Variants in MTOR observed in about 807,000 individuals in gnomAD.
MTOR encodes mechanistic target of rapamycin kinase, also known as serine/threonine-protein kinase mTOR.
In MTOR, 70 loss-of-function variants were observed where a neutral mutation model predicts 319.8. The observed-to-expected ratio is 0.22, with a 90% CI of 0.18 to 0.27. The LOEUF (loss-of-function observed/expected upper bound fraction) is 0.27, where lower values mean the gene tolerates loss of function less well. Among genes scored for constraint, MTOR ranks in the 10% least tolerant of loss-of-function variants. The pLI is 1.00. For synonymous variants in MTOR, 1,183 were observed against 1,211.4 expected (o/e 0.98, Z 0.49); for missense variants, 1,890 against 3,274.4 (o/e 0.58, Z 10.32).
At chr1:11,114,540 A>G (rs1642062506) in intron 52 of MTOR, 87 bp from the exon 53 acceptor site, 2 of 1,558,162 alleles carry the variant, frequency 1.3e-6, no homozygotes, top group Admixed American at 3.5e-5. Flanking sequence ...CTCACTTAGG[A>G]AGCAGACACA....
intron 49 of MTOR, among the ~76,000 whole-genome samples, 159 bp from the exon 50 acceptor site, chr1:11,117,245 C>T (rs887072150): frequency 2.4e-4 from 36 of 152,226 alleles, no homozygotes; most frequent in Non-Finnish European, 5.1e-4. Flanking sequence ...ACTGCAGCCT[C>T]CACCTCCCGG....
In MTOR at chr1:11,247,857, G is replaced by A. The variant is rs748256443; in HGVS notation, c.1078C>T (p.Arg360Trp). Residue 360 changes from arginine (R) to tryptophan (W), a missense_variant, in exon 7 of 58, where the codon CGG (arginine) becomes TGG (tryptophan). By Grantham distance (101) the Arg-to-Trp change is moderately radical. Coordinates refer to ENST00000361445, the MANE Select transcript of MTOR (RefSeq NM_004958.4). ...TCCTCCATCAAGTCTCTGCAACACC[G>A]GCTCTCCACCAGGGTGGACTTAGCT... ...SPAKSTLVES[R>W]CCRDLMEEKF... The A allele has an allele frequency of 6.2e-7, 1 of 1,613,910 alleles. No individual in the cohort carries two copies. Among genetic ancestry groups the A allele is most frequent in the Non-Finnish European group, 8.5e-7 (1 of 1,179,886 alleles).
At chr1:11,124,855 T>C (rs1397712430) in intron 46 of MTOR, among the ~76,000 whole-genome samples, 1 of 152,246 alleles carries the variant, frequency 6.6e-6, no homozygotes, top group Admixed American at 6.5e-5. Context: ...AAACAAAATC[T>C]GTTTTTGAGG....
At chr1:11,255,382 CAAAAAAA>C (rs56328160) in intron 5 of MTOR, among the ~76,000 whole-genome samples, 1 of 98,234 alleles carries the variant, frequency 1.0e-5, no homozygotes, top group Non-Finnish European at 1.8e-5. Flanking sequence ...ACTCCATCTC[CAAAAAAA>C]AAAAAAAAAA....
intron 32 of MTOR, 50 bp from the exon 33 acceptor site, chr1:11,145,095 G>C: frequency 6.6e-7 from 1 of 1,504,456 alleles, no homozygotes; most frequent in Non-Finnish European, 9.2e-7. Context: ...GGGAGCTTAG[G>C]GTTATTTTAG....
chr1:11,119,713 T>G lies in MTOR; in HGVS notation c.6933+1533A>C, dbSNP rs536632087. The stretch of plus-strand genomic sequence containing the variant: ...GTGAGCCGAGATCGTGCTGCTGCAC[T>G]CCAGCCTGGGTAACAGAGTAAGACC... On this transcript the variant is annotated intron_variant, in intron 49 of 57. Transcript: ENST00000361445. 6.9e-5 allele frequency among the ~76,000 whole-genome samples: 10 copies of G among 144,634 alleles called. No individual in the cohort carries two copies. The East Asian group carries it at 1.7e-3, about 24-fold the overall frequency. The allele number at this position is 144,634 out of a possible 152,430, so 94.9% of individuals were successfully genotyped here.
rs371737475 is a variant in MTOR at position 11,238,655 on chromosome 1, G to A, written c.1787-38C>T. The A allele has an allele frequency of 3.3e-5, 51 of 1,552,538 alleles. No individual in the cohort carries two copies. The African/African-American group carries it at 6.4e-4, about 19-fold the overall frequency. Reference sequence around the variant, plus strand: ...GCAGAGAGAAAACAGAATAAACACTGCTGCTGTAGACAGGTAGGTCTGCAG... The same window carrying A: ...GCAGAGAGAAAACAGAATAAACACTACTGCTGTAGACAGGTAGGTCTGCAG... On this transcript the variant is annotated intron_variant, in intron 11 of 57. Transcript: ENST00000361445.
At chr1:11,158,917 T>C (rs1644394465) in intron 29 of MTOR, among the ~76,000 whole-genome samples, 1 of 152,194 alleles carries the variant, frequency 6.6e-6, no homozygotes, top group South Asian at 2.1e-4. Flanking sequence ...TAAATTTTGC[T>C]GAGAAAGCAC....
intron 15 of MTOR, 69 bp from the exon 16 acceptor site, chr1:11,232,597 G>A (rs1233078435): frequency 2.8e-5 from 37 of 1,330,126 alleles, no homozygotes; most frequent in Admixed American, 5.2e-5. Flanking sequence ...TTTGGAGGCC[G>A]GGCACGGTGG....
Position 11,212,691 on chromosome 1 carries a change from A to C in MTOR, c.3398+105T>G. Reference sequence around the variant, plus strand: ...TTCTAGACTAAAATAATGTGAGTTGAAATAACAAAAAAAATAGAAAGATGG... The same window carrying C: ...TTCTAGACTAAAATAATGTGAGTTGCAATAACAAAAAAAATAGAAAGATGG... On this transcript the variant is annotated intron_variant, in intron 22 of 57. Coordinates refer to ENST00000361445, the MANE Select transcript of MTOR (RefSeq NM_004958.4). The surrounding 1 kb of genome is among the most constrained non-coding windows in gnomAD (Gnocchi z 4.1). 3 of 1,173,906 alleles carry C rather than the reference A, an allele frequency of 2.6e-6. No individual in the cohort carries two copies. The highest frequency in any genetic ancestry group is 3.7e-6 in the Non-Finnish European group (3 of 808,598). The allele number at this position is 1,173,906 out of a possible 1,614,324, so 72.7% of individuals were successfully genotyped here. A position where few individuals can be genotyped will look rare whatever the true frequency, so the allele number is the denominator to read the frequency against.
At chr1:11,228,527 T>G in intron 19 of MTOR, 141 bp downstream of exon 19, 2 of 1,142,426 alleles carry the variant, frequency 1.8e-6, no homozygotes, top group Non-Finnish European at 2.5e-6. Flanking sequence ...ATTGTACACT[T>G]TATATGTTGG....
In MTOR at chr1:11,115,553, G is replaced by T; in HGVS notation, c.7017-85C>A. 2 of 1,349,608 alleles carry T rather than the reference G, an allele frequency of 1.5e-6. No individual in the cohort carries two copies. The highest frequency in any genetic ancestry group is 2.1e-6 in the Non-Finnish European group (2 of 943,174). 83.6% of individuals were successfully genotyped at this position (1,349,608 alleles called of 1,614,324 possible). A position where few individuals can be genotyped will look rare whatever the true frequency, so the allele number is the denominator to read the frequency against. ...AATAAGTACGTGATACTGTAAGCTA[G>T]GAGTTGGCAAACGATAGCCCTCAGC... On this transcript the variant is annotated intron_variant, in intron 50 of 57. Coordinates refer to ENST00000361445, the MANE Select transcript of MTOR (RefSeq NM_004958.4). This position sits in a 1 kb window ranked among gnomAD's most constrained non-coding sequence, Gnocchi z 4.5.
intron 11 of MTOR, among the ~76,000 whole-genome samples, chr1:11,239,114 C>T (rs1189419953): frequency 6.6e-6 from 1 of 152,026 alleles, no homozygotes; most frequent in East Asian, 1.9e-4. Flanking sequence ...GGATTTCAAT[C>T]AGCAGAAAGG....
rs1485911392 is a variant in MTOR at position 11,199,182 on chromosome 1, T to G, written c.4253+76A>C. 2.5e-6 allele frequency: 4 copies of G among 1,589,558 alleles called. No individual in the cohort carries two copies. The highest frequency in any genetic ancestry group is 3.4e-6 in the Non-Finnish European group (4 of 1,159,636). On this transcript the variant is annotated intron_variant, in intron 28 of 57. Transcript: ENST00000361445. This position sits in a 1 kb window ranked among gnomAD's most constrained non-coding sequence, Gnocchi z 4.5. ...AGCAGAAGTCTTCAAGTGACTCCAG[T>G]GAAGTGGCACCAGGCAGTGGGAGAA...
chr1:11,167,807 C>T lies in MTOR; in HGVS notation c.4254-290G>A, dbSNP rs4240892. Among the ~76,000 whole-genome samples the T allele has an allele frequency of 0.57, 86,686 of 152,060 alleles. 29,149 individuals carry two copies. The highest frequency in any genetic ancestry group is 0.78 in the East Asian group (4,047 of 5,170). On this transcript the variant is annotated intron_variant, in intron 28 of 57. Coordinates refer to ENST00000361445, the MANE Select transcript of MTOR (RefSeq NM_004958.4). ...AGACTAGGCTGGGTGTGGTGGCTCA[C>T]GCCTGTAATCCCAGCACTTTGGGAG...
At chr1:11,218,854 T>TC (rs1646564896) in intron 19 of MTOR, among the ~76,000 whole-genome samples, 1 of 151,826 alleles carries the variant, frequency 6.6e-6, no homozygotes, top group Non-Finnish European at 1.5e-5. Context: ...CCTTCCAAAC[T>TC]CCCCCACTAT....
At position 11,128,380 on chromosome 1, in the gene MTOR, G is replaced by A. The variant is rs968569169; in HGVS notation, c.5910+74C>T. 7 of 1,477,450 alleles carry A rather than the reference G, an allele frequency of 4.7e-6. No individual in the cohort carries two copies. Among genetic ancestry groups the A allele is most frequent in the East Asian group, 2.3e-5 (1 of 44,140 alleles). 91.5% of individuals were successfully genotyped at this position (1,477,450 alleles called of 1,614,324 possible). A position where few individuals can be genotyped will look rare whatever the true frequency, so the allele number is the denominator to read the frequency against. ...GGCTCCCAGTTCCTGCGCTTGTGTC[G>A]CCAGGGCAGCTTTTGGAAAGGCTGA... is the stretch of plus-strand genomic sequence containing the variant. On this transcript the variant is annotated intron_variant, in intron 42 of 57. Coordinates refer to ENST00000361445, the MANE Select transcript of MTOR (RefSeq NM_004958.4). This position sits in a 1 kb window ranked among gnomAD's most constrained non-coding sequence, Gnocchi z 5.3.
chr1:11,189,735 C>T (rs1040539674), intron 28 of MTOR: 13 of 1,614,038 alleles, frequency 8.1e-6, no homozygotes, highest in Admixed American at 1.7e-5. Flanking sequence ...TGAAGGAGCT[C>T]AAGGCCCAAG....
At chr1:11,247,325 A>G (rs1472761617) in intron 8 of MTOR, among the ~76,000 whole-genome samples, 3 of 152,184 alleles carry the variant, frequency 2.0e-5, no homozygotes, top group Admixed American at 6.5e-5. Context: ...GATGCTGCAC[A>G]GTAGCTACAT....
Sources: allele counts gnomAD v4.1 joint callset (sites outside exome capture counted in the v4.1 genomes callset), GRCh38; gene constraint gnomAD v4.1.1; non-coding constraint Gnocchi (gnomAD v3.1); transcripts MANE v1.5; gene names NCBI Gene and HGNC (gene_info 2026-07-23, HGNC 2026-07-21).